Variants in KCTD14 observed in about 807,000 individuals in gnomAD.
KCTD14 encodes BTB/POZ domain-containing protein KCTD14.
Under a neutral mutation model 5.9 loss-of-function variants are expected in KCTD14, and 7 were observed. That is an observed-to-expected ratio of 1.19 (90% confidence interval 0.68 to 2.23). KCTD14 has a LOEUF of 2.23. Ranked by LOEUF, KCTD14 falls within the 30% of genes most tolerant of loss-of-function variation. KCTD14 has a pLI of 0.00. For synonymous variants in KCTD14, 140 were observed against 133.1 expected, an observed-to-expected ratio of 1.05 and a Z score of -0.36; for missense variants, 342 against 332.2, an observed-to-expected ratio of 1.03 and a Z score of -0.23.
intron 1 of KCTD14, among the ~76,000 whole-genome samples, chr11:78,021,915 T>C (rs555622457): frequency 6.6e-6 from 1 of 152,314 alleles, no homozygotes; most frequent in African/African-American, 2.4e-5. Flanking sequence ...AATCCAGAGC[T>C]GGGCAAGCCC....
intron 2 of KCTD14, among the ~76,000 whole-genome samples, chr11:78,035,785 C>A (rs1857774547): frequency 7.4e-6 from 1 of 135,938 alleles, no homozygotes; most frequent in East Asian, 2.1e-4. Context: ...GCAGAGGTTG[C>A]AGTGAGCTGA....
chr11:78,033,546 G>A (rs1159797638), intron 2 of KCTD14, among the ~76,000 whole-genome samples: 3 of 152,022 alleles, frequency 2.0e-5, no homozygotes, highest in Non-Finnish European at 1.5e-5. Context: ...GCCGGGCATG[G>A]TGGCAGGCAC....
At chr11:78,018,399 G>GGA (rs1565308825) in intron 1 of KCTD14, among the ~76,000 whole-genome samples, 54 of 151,162 alleles carry the variant, frequency 3.6e-4, no homozygotes, top group Non-Finnish European at 5.9e-4. Context: ...TAGATTTAAG[G>GGA]AAAAAAAATT....
At chr11:78,041,035 G>A (rs771737715) in intron 1 of KCTD14, among the ~76,000 whole-genome samples, 1 of 152,192 alleles carries the variant, frequency 6.6e-6, no homozygotes, top group Non-Finnish European at 1.5e-5. Flanking sequence ...ACAGATCTCC[G>A]AAGTGGGAGT....
intron 1 of KCTD14, among the ~76,000 whole-genome samples, chr11:78,039,069 A>AC (rs1491372738): frequency 6.2e-5 from 2 of 32,182 alleles, no homozygotes; most frequent in Non-Finnish European, 1.9e-4. Context: ...TTTAGATTAC[A>AC]AAAAAAAAAA....
At chr11:78,044,210 TAGG>T (rs1246385821) in intron 1 of KCTD14, among the ~76,000 whole-genome samples, 2 of 152,146 alleles carry the variant, frequency 1.3e-5, no homozygotes, top group Non-Finnish European at 2.9e-5. Context: ...AGCGAGGCTT[TAGG>T]AGAACTATCT....
intron 2 of KCTD14, among the ~76,000 whole-genome samples, chr11:78,028,340 C>T (rs183261089): frequency 4.7e-4 from 71 of 152,296 alleles, no homozygotes; most frequent in African/African-American, 1.6e-3. Flanking sequence ...AGCAGTGGCT[C>T]GCGCCTGTAA....
At position 78,016,263 on chromosome 11, in the gene KCTD14, T is replaced by G; in HGVS notation, c.*330A>C. 3.0e-6 allele frequency: 1 copy of G among 336,906 alleles called. No individual in the cohort carries two copies. Among genetic ancestry groups the G allele is most frequent in the Non-Finnish European group, 5.5e-6 (1 of 181,924 alleles). 20.9% of individuals were successfully genotyped at this position (336,906 alleles called of 1,614,324 possible). On this transcript the variant is annotated 3_prime_UTR_variant, in exon 2 of 2. Transcript: ENST00000353172. ...GGTCAGAACATCTAGATTCACAGTA[T>G]CTTGTATGTTCCTGTTGTCATCTCA... is the stretch of plus-strand genomic sequence containing the variant.
chr11:78,027,791 C>G (rs1324946786), upstream of KCTD14, among the ~76,000 whole-genome samples: 1 of 152,078 alleles, frequency 6.6e-6, no homozygotes, highest in Non-Finnish European at 1.5e-5. Flanking sequence ...TTGCATAGAC[C>G]AAGGTTTTAT....
intron 1 of KCTD14, among the ~76,000 whole-genome samples, chr11:78,039,637 T>G (rs1221592074): frequency 6.6e-6 from 1 of 151,964 alleles, no homozygotes; most frequent in Non-Finnish European, 1.5e-5. Flanking sequence ...CATGTTGATA[T>G]GTGTCTGTAG....
chr11:78,044,069 C>T (rs759883166), intron 1 of KCTD14, among the ~76,000 whole-genome samples: 1 of 152,152 alleles, frequency 6.6e-6, no homozygotes, highest in Non-Finnish European at 1.5e-5. Flanking sequence ...CAAAGAGAGG[C>T]GACATCCCCA....
intron 2 of KCTD14, among the ~76,000 whole-genome samples, chr11:78,036,183 T>C (rs1857797136): frequency 6.6e-6 from 1 of 152,146 alleles, no homozygotes; most frequent in Admixed American, 6.6e-5. Context: ...AGTCCCTTTA[T>C]GAAAGTCTCC....
chr11:78,023,129 G>T, intron 1 of KCTD14, 31 bp downstream of exon 1: 1 of 1,424,380 alleles, frequency 7.0e-7, no homozygotes, highest in Non-Finnish European at 9.6e-7. Flanking sequence ...GGAGGACAGA[G>T]GCGCGGGGAC....
rs765602846 is a variant in KCTD14, at chr11:78,017,074, C to T, written c.287G>A (p.Gly96Glu). 5.0e-6 allele frequency: 8 copies of T among 1,614,202 alleles called. No homozygotes were observed. The highest frequency in any genetic ancestry group is 4.0e-5 in the African/African-American group (3 of 75,040). The change falls in exon 2 of 2, where the codon GGG (glycine) becomes GAG (glutamate). Residue 96 changes from glycine (G) to glutamate (E), a missense_variant. Physicochemically the swap from Gly to Glu is moderately conservative, Grantham distance 98 (BLOSUM62 -2). Transcript: ENST00000353172. Reference protein sequence around the residue: ...FRPILDYLRTGQVPTQHIPEV... With the variant: ...FRPILDYLRTEQVPTQHIPEV... Reference sequence around the variant, plus strand: ...AGGGATGTGCTGTGTGGGCACTTGCCCAGTGCGCAGGTAGTCCAGGATGGG... The same window carrying T: ...AGGGATGTGCTGTGTGGGCACTTGCTCAGTGCGCAGGTAGTCCAGGATGGG...
chr11:78,031,723 G>C (rs139911540), intron 2 of KCTD14, among the ~76,000 whole-genome samples: 88 of 152,280 alleles, frequency 5.8e-4, no homozygotes, highest in African/African-American at 2.1e-3. Context: ...ACACATATTT[G>C]CCTACTGTGT....
Position 78,017,094 on chromosome 11 carries a change from G to A in KCTD14, c.267C>T (p.Ile89=). The A allele has an allele frequency of 2.5e-6, 4 of 1,614,240 alleles. No individual in the cohort carries two copies. The highest frequency in any genetic ancestry group is 3.4e-6 in the Non-Finnish European group (4 of 1,180,050). ...CTTGCCCAGTGCGCAGGTAGTCCAG[G>A]ATGGGTCTGAAATAGGTGCTGGGGC... ...IDRPSTYFRP[I]LDYLRTGQVP... is the part of the protein sequence containing the mutation. The change falls in exon 2 of 2, where the codon ATC becomes ATT. Residue 89 remains isoleucine (I), a synonymous_variant. Coordinates refer to ENST00000353172, the MANE Select transcript of KCTD14 (RefSeq NM_023930.4).
rs1414308084 is a variant in KCTD14, at chr11:78,033,929, T to A, written c.-1+4735A>T. ...TATATATATATACACACATTATATATAATACATATATGCACACCATTGCAT... is the reference window on the plus strand; with the variant it reads ...TATATATATATACACACATTATATAAAATACATATATGCACACCATTGCAT... On this transcript the variant is annotated intron_variant, in intron 2 of 2. Coordinates refer to the KCTD14 transcript ENST00000533144. 5.5e-5 allele frequency among the ~76,000 whole-genome samples: 5 copies of A among 91,218 alleles called. No individual in the cohort carries two copies. The East Asian group carries it at 1.2e-3, about 23-fold the overall frequency. 59.8% of individuals were successfully genotyped at this position (91,218 alleles called of 152,430 possible). A position where few individuals can be genotyped will look rare whatever the true frequency, so the allele number is the denominator to read the frequency against.
At chr11:78,030,215 G>A (rs1340533062) in intron 2 of KCTD14, among the ~76,000 whole-genome samples, 2 of 152,028 alleles carry the variant, frequency 1.3e-5, no homozygotes, top group Admixed American at 1.3e-4. Context: ...ATGCAAAGTA[G>A]GAAAAAAACT....
At chr11:78,042,749 G>T (rs1036212966) in intron 1 of KCTD14, among the ~76,000 whole-genome samples, 28 of 152,170 alleles carry the variant, frequency 1.8e-4, no homozygotes, top group African/African-American at 6.3e-4. Flanking sequence ...AAAGGGAAAA[G>T]TTCTCTCTCC....
Sources: allele counts gnomAD v4.1 joint callset (sites outside exome capture counted in the v4.1 genomes callset), GRCh38; gene constraint gnomAD v4.1.1; transcripts MANE v1.5; gene names NCBI Gene and HGNC (gene_info 2026-07-23, HGNC 2026-07-21).